INTS14: variants seen among roughly 807,000 people sequenced by gnomAD.
INTS14 encodes integrator complex subunit 14.
A neutral mutation model predicts 56.9 loss-of-function variants in INTS14; 27 were observed. The ratio of observed to expected loss-of-function variants is 0.47; its 90% CI spans 0.35 to 0.65. The LOEUF (loss-of-function observed/expected upper bound fraction) is 0.65, where lower values mean the gene tolerates loss of function less well. Ranked by LOEUF, INTS14 falls within the 30% of genes least tolerant of loss-of-function variation. The pLI is 0.00. For missense variants in INTS14, 517 were observed against 632.2 expected (o/e 0.82, Z 1.95); for synonymous variants, 207 against 236.2 (o/e 0.88, Z 1.13).
chr15:65,601,809 A>G (rs973249503), intron 3 of INTS14, among the ~76,000 whole-genome samples: 1 of 152,224 alleles, frequency 6.6e-6, no homozygotes, highest in African/African-American at 2.4e-5. Context: ...ATTGCTATAC[A>G]ATGATTTACC....
intron 1 of INTS14, among the ~76,000 whole-genome samples, chr15:65,608,906 G>T (rs1190826862): frequency 1.3e-5 from 2 of 152,030 alleles, no homozygotes; most frequent in Non-Finnish European, 2.9e-5. Context: ...GTTCTTTTTT[G>T]TTTTTGAGAC....
intron 3 of INTS14, among the ~76,000 whole-genome samples, chr15:65,600,686 A>G (rs2073400464): frequency 6.6e-6 from 1 of 151,974 alleles, no homozygotes; most frequent in South Asian, 2.1e-4. Context: ...AAGGCACGAG[A>G]AAATTTTGTG....
rs200766690 is a variant in INTS14 at position 65,588,829 on chromosome 15, TATTA to T, written c.1120+2765_1120+2768del. 8.8e-3 allele frequency among the ~76,000 whole-genome samples: 1,346 copies of T among 152,328 alleles called. 22 individuals carry two copies. Among genetic ancestry groups the T allele is most frequent in the African/African-American group, 0.031 (1,296 of 41,570 alleles). On this transcript the variant is annotated intron_variant, in intron 9 of 11. Transcript: ENST00000313182. ...AACAACCCTCTGAGGTAAGTTTTAT[TATTA>T]ATTGTTATTTGTTATCATAATTCCA...
chr15:65,610,839 T>C, intron 1 of INTS14: 1 of 1,533,130 alleles, frequency 6.5e-7, no homozygotes, highest in Non-Finnish European at 8.7e-7. Context: ...AAGTCTCTCT[T>C]GGAAAGAGGG....
Position 65,591,688 on chromosome 15 carries a change from TC to T in INTS14, c.1029del (p.Lys344ArgfsTer6). On this transcript the variant is annotated frameshift_variant, in exon 9 of 12. Transcript: ENST00000313182. LOFTEE classifies it high-confidence loss of function. ...AGAGACATCATGAGGTTTGATTTCT[TC>T]TTGCTGTCAGCTTGGGAGTAGAGCA... Reference protein sequence around the residue: ...HGMLYSQADSKKKSNLMMSLF... With the variant: ...HGMLYSQADSXKKSNLMMSLF... The T allele has an allele frequency of 6.2e-7, 1 of 1,614,176 alleles. No homozygotes were observed. The highest frequency in any genetic ancestry group is 8.5e-7 in the Non-Finnish European group (1 of 1,180,004).
intron 3 of INTS14, among the ~76,000 whole-genome samples, chr15:65,602,817 G>A (rs956524471): frequency 1.3e-5 from 2 of 152,058 alleles, no homozygotes; most frequent in Non-Finnish European, 2.9e-5. Context: ...ACAGGTATGC[G>A]CCACCACGTC....
chr15:65,579,965 T>C (rs1439676817), intron 11 of INTS14, among the ~76,000 whole-genome samples: 2 of 152,180 alleles, frequency 1.3e-5, no homozygotes, highest in Non-Finnish European at 2.9e-5. Context: ...TCGTTACTCC[T>C]AACTTTAAGG....
intron 3 of INTS14, among the ~76,000 whole-genome samples, chr15:65,603,486 ATTTTT>A (rs199670203): frequency 4.0e-5 from 6 of 151,710 alleles, no homozygotes; most frequent in Non-Finnish European, 5.9e-5. Flanking sequence ...CTACAATCTT[ATTTTT>A]TTTAAGACAG....
At chr15:65,597,644 G>T (rs933824126) in intron 6 of INTS14, among the ~76,000 whole-genome samples, 13 of 152,160 alleles carry the variant, frequency 8.5e-5, no homozygotes, top group African/African-American at 3.1e-4. Flanking sequence ...CCATCTGGTT[G>T]ATTCTCCCTG....
At chr15:65,602,286 C>CTTT (rs199817472) in intron 3 of INTS14, among the ~76,000 whole-genome samples, 2 of 141,710 alleles carry the variant, frequency 1.4e-5, no homozygotes, top group Admixed American at 7.0e-5. Flanking sequence ...AAAAATTCCA[C>CTTT]TTTTTTTTTT....
intron 7 of INTS14, among the ~76,000 whole-genome samples, chr15:65,594,549 C>T (rs1055760922): frequency 8.0e-5 from 12 of 149,394 alleles, no homozygotes; most frequent in East Asian, 1.9e-4. Flanking sequence ...CCTGCCACTA[C>T]GCCCAGGTTT....
intron 9 of INTS14, among the ~76,000 whole-genome samples, chr15:65,585,167 T>C (rs1227145856): frequency 6.6e-6 from 1 of 151,962 alleles, no homozygotes; most frequent in African/African-American, 2.4e-5. Flanking sequence ...AACAAATACA[T>C]ATTTAAAAAA....
Position 65,581,379 on chromosome 15 carries a change from CAA to C in INTS14, c.1305+573_1305+574del, listed in dbSNP as rs538679591. 7.8e-4 allele frequency among the ~76,000 whole-genome samples: 106 copies of C among 135,864 alleles called. 2 individuals are homozygous for C. The highest frequency in any genetic ancestry group is 5.1e-3 in the Admixed American group (72 of 14,008). 89.1% of individuals were successfully genotyped at this position (135,864 alleles called of 152,430 possible). ...TGGCCGACAGAGTGAGACTCTGTCTCAAAAACAAAAAAACAAAAATTAGCTGG... is the reference window on the plus strand; with the variant it reads ...TGGCCGACAGAGTGAGACTCTGTCTCAAACAAAAAAACAAAAATTAGCTGG... On this transcript the variant is annotated intron_variant, in intron 11 of 11. Transcript: ENST00000313182.
intron 7 of INTS14, 45 bp downstream of exon 7, chr15:65,595,688 T>G (rs2073185582): frequency 6.9e-7 from 1 of 1,447,044 alleles, no homozygotes. Context: ...AGAACAACTT[T>G]AGTTAATAAG....
chr15:65,593,561 C>G lies in INTS14; in HGVS notation c.853G>C (p.Val285Leu), dbSNP rs757355157. Residue 285 changes from valine (V) to leucine (L), a missense_variant, in exon 8 of 12, where the codon GTG becomes CTG. Val to Leu is a conservative substitution (Grantham distance 32). Transcript: ENST00000313182. The stretch of plus-strand genomic sequence containing the variant: ...TTGTCATCAGTGATGCCAGTACCCA[C>G]CTCATCACCTTCTGTGAAAAAAAGA... ...PIALNKEGDE[V>L]GTGITDDNED... The G allele has an allele frequency of 3.7e-6, 6 of 1,608,684 alleles. No individual in the cohort carries two copies. In the African/African-American group the frequency reaches 8.0e-5, roughly 22 times the overall value.
At chr15:65,589,700 T>A (rs932135698) in intron 9 of INTS14, among the ~76,000 whole-genome samples, 5 of 152,178 alleles carry the variant, frequency 3.3e-5, no homozygotes, top group African/African-American at 1.2e-4. Flanking sequence ...ATGAGCTCAT[T>A]TTTTTTCAGC....
intron 10 of INTS14, among the ~76,000 whole-genome samples, chr15:65,582,686 AAAGC>A (rs1394142184): frequency 6.6e-6 from 1 of 152,226 alleles, no homozygotes; most frequent in East Asian, 1.9e-4. Flanking sequence ...ACAAACAACA[AAAGC>A]AAGAGACAAA....
chr15:65,589,746 C>T (rs565552633), intron 9 of INTS14, among the ~76,000 whole-genome samples: 2 of 151,954 alleles, frequency 1.3e-5, no homozygotes, highest in Non-Finnish European at 2.9e-5. Flanking sequence ...GTATTTATTC[C>T]AAGTTTATTT....
chr15:65,598,285 A>C lies in INTS14; in HGVS notation c.748+36T>G. ...CAAGTCAGAAGAAAGTAAGGATAAC[A>C]GAGAAACTAAGAAATAAGTTTTTTT... On this transcript the variant is annotated intron_variant, in intron 6 of 11. Coordinates refer to ENST00000313182, the MANE Select transcript of INTS14 (RefSeq NM_001394796.1). The C allele has an allele frequency of 1.9e-6, 3 of 1,588,176 alleles. No individual in the cohort carries two copies. The South Asian group carries it at 3.3e-5, about 18-fold the overall frequency.
Sources: allele counts gnomAD v4.1 joint callset (sites outside exome capture counted in the v4.1 genomes callset), GRCh38; gene constraint gnomAD v4.1.1; transcripts MANE v1.5; gene names NCBI Gene and HGNC (gene_info 2026-07-23, HGNC 2026-07-21).